Variants in USP34 observed in about 807,000 individuals in gnomAD.
USP34 encodes ubiquitin specific peptidase 34.
A neutral mutation model predicts 460.3 loss-of-function variants in USP34; 70 were observed. That is an observed-to-expected ratio of 0.15 (90% CI 0.13 to 0.19). The LOEUF is 0.19. Among genes scored for constraint, USP34 ranks in the 10% least tolerant of loss-of-function variants. The pLI is 1.00. For missense variants in USP34, 3,985 were observed against 4,236.2 expected, an observed-to-expected ratio of 0.94 and a Z score of 1.65; for synonymous variants, 1,647 against 1,405.3, an observed-to-expected ratio of 1.17 and a Z score of -3.85.
At chr2:61,345,687 T>C (rs942037303) in intron 15 of USP34, among the ~76,000 whole-genome samples, 1 of 152,212 alleles carries the variant, frequency 6.6e-6, no homozygotes, top group African/African-American at 2.4e-5. Context: ...CAGGCTGAAG[T>C]GTAGTGGTGC....
intron 15 of USP34, 49 bp from the exon 16 acceptor site, chr2:61,344,078 A>C: frequency 1.9e-6 from 3 of 1,571,602 alleles, no homozygotes; most frequent in Non-Finnish European, 1.7e-6. Flanking sequence ...ATGTGAATCT[A>C]ATTTGTGAAC....
chr2:61,296,882 G>C lies in USP34; in HGVS notation c.4172C>G (p.Ser1391Cys), dbSNP rs1171021398. ...CATCAGTAGCTCCCAGACCCGCCTA[G>C]ACAGATTTTCTGCATGAAGATGAAG... ...EELHLHAENL[S>C]RRVWELLMLL... Residue 1391 changes from serine to cysteine, a missense_variant, in exon 30 of 80, where the codon TCT becomes TGT. By Grantham distance (112) the Ser-to-Cys change is moderately radical. Around this residue, in one of 14 missense-constraint regions of USP34, gnomAD observed 1,114 missense variants for 1,122.5 expected, o/e 0.99. Coordinates refer to ENST00000398571, the MANE Select transcript of USP34 (RefSeq NM_014709.4). 6.2e-7 allele frequency: 1 copy of C among 1,613,792 alleles called. No homozygotes were observed. Among genetic ancestry groups the C allele is most frequent in the Non-Finnish European group, 8.5e-7 (1 of 1,179,900 alleles).
At chr2:61,235,450 C>T (rs189728828) in intron 57 of USP34, among the ~76,000 whole-genome samples, 9 of 151,730 alleles carry the variant, frequency 5.9e-5, no homozygotes, top group African/African-American at 2.2e-4. Flanking sequence ...CTCCGCCTCC[C>T]GAGGTGCTGG....
At chr2:61,296,750 T>C in intron 30 of USP34, 50 bp downstream of exon 30, 3 of 1,573,742 alleles carry the variant, frequency 1.9e-6, no homozygotes, top group African/African-American at 1.4e-5. Context: ...TCAATAGGAA[T>C]GTAAACTGGT....
At position 61,469,527 on chromosome 2, in the gene USP34, G is replaced by A. The variant is rs1695883822; in HGVS notation, c.43+1123C>T. 2.6e-5 allele frequency among the ~76,000 whole-genome samples: 4 copies of A among 152,206 alleles called. No individual in the cohort carries two copies. The South Asian group carries it at 8.3e-4, about 31-fold the overall frequency. On this transcript the variant is annotated intron_variant, in intron 1 of 79. Transcript: ENST00000398571. Reference sequence around the variant, plus strand: ...CCTATCAGGAAGTAAATACGGAGTTGAAATTAAGTTAGAACCCTTCCACTT... The same window carrying A: ...CCTATCAGGAAGTAAATACGGAGTTAAAATTAAGTTAGAACCCTTCCACTT...
intron 67 of USP34, among the ~76,000 whole-genome samples, chr2:61,217,325 A>T (rs1453273652): frequency 6.6e-6 from 1 of 152,318 alleles, no homozygotes; most frequent in South Asian, 2.1e-4. Flanking sequence ...GGCAACTCTA[A>T]GACACTAATG....
At chr2:61,257,487 T>C in intron 44 of USP34, 137 bp from the exon 45 acceptor site, 1 of 613,304 alleles carries the variant, frequency 1.6e-6, no homozygotes. Context: ...CTTCTATTTC[T>C]TTCTGTTTAG....
At chr2:61,381,567 C>A (rs1692976646) in intron 6 of USP34, among the ~76,000 whole-genome samples, 1 of 152,110 alleles carries the variant, frequency 6.6e-6, no homozygotes, top group African/African-American at 2.4e-5. Context: ...AACTCCTGGG[C>A]TCAGGTGATC....
At position 61,394,188 on chromosome 2, in the gene USP34, G is replaced by A. The variant is rs184370469; in HGVS notation, c.753+665C>T. Among the ~76,000 whole-genome samples the A allele has an allele frequency of 2.6e-5, 4 of 152,100 alleles. No homozygotes were observed. In the South Asian group the frequency reaches 6.2e-4, roughly 24 times the overall value. ...CTTCACAGTGAAACTGATACTCACA[G>A]GATACAGAAGAATTACCTTATTTTC... On this transcript the variant is annotated intron_variant, in intron 5 of 79. Transcript: ENST00000398571.
chr2:61,336,344 C>T (rs1691414846), intron 18 of USP34, among the ~76,000 whole-genome samples: 1 of 151,926 alleles, frequency 6.6e-6, no homozygotes, highest in Non-Finnish European at 1.5e-5. Flanking sequence ...CAAGGCTGGT[C>T]TCAAACTACT....
intron 31 of USP34, 31 bp downstream of exon 31, chr2:61,295,137 C>T (rs1689986915): frequency 1.9e-6 from 3 of 1,600,560 alleles, no homozygotes; most frequent in Non-Finnish European, 2.6e-6. Context: ...AGAATACAAA[C>T]ATTTAATGAT....
At chr2:61,285,785 G>C (rs141123983) in intron 34 of USP34, among the ~76,000 whole-genome samples, 1 of 152,252 alleles carries the variant, frequency 6.6e-6, no homozygotes, top group Non-Finnish European at 1.5e-5. Context: ...TAGAGAGCAT[G>C]GATTCTAGAT....
At chr2:61,256,845 T>TA in intron 47 of USP34, 28 bp downstream of exon 47, 2 of 1,524,110 alleles carry the variant, frequency 1.3e-6, no homozygotes, top group Admixed American at 2.2e-5. Context: ...AAGCATAAAG[T>TA]AAAAAAATTA....
At chr2:61,331,228 G>A (rs747835174) in intron 20 of USP34, 48 bp downstream of exon 20, 2 of 1,460,050 alleles carry the variant, frequency 1.4e-6, no homozygotes, top group South Asian at 2.6e-5. Context: ...ATCTTTCAAA[G>A]GAAAGACATC....
intron 21 of USP34, among the ~76,000 whole-genome samples, chr2:61,321,785 G>C (rs150365433): frequency 6.6e-6 from 1 of 152,130 alleles, no homozygotes; most frequent in Non-Finnish European, 1.5e-5. Context: ...GAGCACATCC[G>C]TATAATAGTA....
intron 72 of USP34, among the ~76,000 whole-genome samples, chr2:61,205,408 T>C (rs1007390939): frequency 1.3e-5 from 2 of 152,118 alleles, no homozygotes; most frequent in African/African-American, 2.4e-5. Context: ...AGAGAAGTAA[T>C]TGCACAGAAC....
At chr2:61,192,686 C>A (rs1686677799) in intron 76 of USP34, among the ~76,000 whole-genome samples, 1 of 152,140 alleles carries the variant, frequency 6.6e-6, no homozygotes, top group African/African-American at 2.4e-5. Flanking sequence ...TTTAAAATAT[C>A]CTCTATGATA....
chr2:61,420,324 T>G (rs1218209113), intron 2 of USP34, among the ~76,000 whole-genome samples: 1 of 152,198 alleles, frequency 6.6e-6, no homozygotes. Context: ...AGTCTCAATA[T>G]ATGTATTATT....
rs1315095386 is a variant in USP34, at chr2:61,420,811, A to G, written c.66T>C (p.Asp22=). 2.5e-6 allele frequency: 4 copies of G among 1,610,902 alleles called. No individual in the cohort carries two copies. The highest frequency in any genetic ancestry group is 3.4e-6 in the Non-Finnish European group (4 of 1,178,430). Residue 22 remains aspartate, a synonymous_variant, in exon 2 of 80, where the codon GAT becomes GAC. Coordinates refer to ENST00000398571, the MANE Select transcript of USP34 (RefSeq NM_014709.4). ...LNEISDVEGG[D]GLQLRKEHTL... is the part of the protein sequence containing the mutation. ...TATGTTCCTTTCTGAGCTGCAGTCC[A>G]TCACCACCTTCTACATCTGATACTG... is the stretch of plus-strand genomic sequence containing the variant.
Sources: gnomAD v4.1 joint callset for allele counts (sites outside exome capture counted in the v4.1 genomes callset) on GRCh38, gnomAD v4.1.1 for gene constraint, gnomAD v4.1.1 regional missense constraint, MANE v1.5 for transcripts, NCBI Gene and HGNC (gene_info 2026-07-23, HGNC 2026-07-21) for gene names.